MARCHF3: variants seen among roughly 807,000 people sequenced by gnomAD.
MARCHF3 encodes membrane associated ring-CH-type finger 3.
A neutral mutation model predicts 24.2 loss-of-function variants in MARCHF3; 13 were observed. The ratio of observed to expected loss-of-function variants is 0.54; its 90% CI spans 0.35 to 0.85. The LOEUF (loss-of-function observed/expected upper bound fraction) is 0.85, where lower values mean the gene tolerates loss of function less well. MARCHF3 is among the 40% of genes least tolerant of loss of function. The pLI, the probability that MARCHF3 is intolerant of heterozygous loss-of-function variation, is 0.01. For synonymous variants in MARCHF3, 144 were observed against 137.3 expected, an observed-to-expected ratio of 1.05 and a Z score of -0.34; for missense variants, 276 against 325.0, an observed-to-expected ratio of 0.85 and a Z score of 1.16.
chr5:127,004,252 A>C (rs1430453042), intron 1 of MARCHF3, among the ~76,000 whole-genome samples: 1 of 152,198 alleles, frequency 6.6e-6, no homozygotes, highest in Non-Finnish European at 1.5e-5. Context: ...ATAGGCTGCA[A>C]AACGGGGCTG....
At chr5:126,939,437 A>T (rs1749754311) in intron 1 of MARCHF3, among the ~76,000 whole-genome samples, 1 of 151,860 alleles carries the variant, frequency 6.6e-6, no homozygotes, top group Non-Finnish European at 1.5e-5. Flanking sequence ...TATCCCTTAC[A>T]CCTTCTTATG....
intron 1 of MARCHF3, among the ~76,000 whole-genome samples, chr5:126,951,691 C>A (rs1267257412): frequency 2.0e-5 from 3 of 152,168 alleles, no homozygotes; most frequent in Admixed American, 2.0e-4. Context: ...TTCATGGGAC[C>A]CATCTTTTCC....
At chr5:126,988,733 CTTATTA>C (rs1275606218) in intron 1 of MARCHF3, among the ~76,000 whole-genome samples, 1 of 151,894 alleles carries the variant, frequency 6.6e-6, no homozygotes, top group Non-Finnish European at 1.5e-5. Context: ...AGAGTATAAG[CTTATTA>C]TTATTATTAC....
intron 3 of MARCHF3, chr5:126,899,257 T>A: frequency 1.0e-6 from 1 of 985,236 alleles, no homozygotes; most frequent in South Asian, 4.7e-5. Flanking sequence ...TTCCCCCAAA[T>A]CTGCTGCACC....
intron 3 of MARCHF3, among the ~76,000 whole-genome samples, chr5:126,896,716 T>C (rs1753933300): frequency 1.3e-5 from 2 of 152,132 alleles, no homozygotes; most frequent in African/African-American, 4.8e-5. Context: ...CAGTGAAGTG[T>C]TGAGACCTTC....
At chr5:126,916,694 C>CACACACACACACACAA (rs1554065303) in intron 2 of MARCHF3, among the ~76,000 whole-genome samples, 1 of 100,740 alleles carries the variant, frequency 9.9e-6, no homozygotes, top group Non-Finnish European at 2.5e-5. Flanking sequence ...GACAGACAGA[C>CACACACACACACACAA]ACACACACAC....
At chr5:126,920,800 C>G (rs1749083504) in intron 1 of MARCHF3, among the ~76,000 whole-genome samples, 1 of 152,080 alleles carries the variant, frequency 6.6e-6, no homozygotes, top group Non-Finnish European at 1.5e-5. Flanking sequence ...AATAAAATGT[C>G]CTTAAAAATA....
intron 1 of MARCHF3, among the ~76,000 whole-genome samples, chr5:127,026,714 ATAT>A (rs1753011839): frequency 6.6e-6 from 1 of 152,182 alleles, no homozygotes; most frequent in African/African-American, 2.4e-5. Flanking sequence ...CAAGATCTAA[ATAT>A]TATCCTTTTG....
chr5:126,871,798 A>T (rs1233200684), intron 4 of MARCHF3, among the ~76,000 whole-genome samples: 1 of 150,780 alleles, frequency 6.6e-6, no homozygotes, highest in Non-Finnish European at 1.5e-5. Context: ...CCTCTGCCTC[A>T]CGGGTTCAAG....
At chr5:126,913,522 A>G (rs1754610855) in intron 3 of MARCHF3, among the ~76,000 whole-genome samples, 2 of 152,260 alleles carry the variant, frequency 1.3e-5, no homozygotes, top group Admixed American at 6.5e-5. Flanking sequence ...AATTCCCCAC[A>G]GGCCCTTTCT....
intron 1 of MARCHF3, among the ~76,000 whole-genome samples, chr5:126,935,207 T>C (rs1283622555): frequency 1.3e-5 from 2 of 152,110 alleles, no homozygotes; most frequent in Non-Finnish European, 2.9e-5. Context: ...TGTGAGGGTG[T>C]TTCTGGATGA....
chr5:126,874,177 A>G (rs553036990), intron 4 of MARCHF3, among the ~76,000 whole-genome samples: 2 of 152,326 alleles, frequency 1.3e-5, no homozygotes, highest in African/African-American at 4.8e-5. Context: ...ATCATGGGCA[A>G]GTCTGCTGTA....
intron 1 of MARCHF3, among the ~76,000 whole-genome samples, chr5:127,026,258 C>T (rs1275905634): frequency 6.6e-6 from 1 of 152,154 alleles, no homozygotes; most frequent in African/African-American, 2.4e-5. Context: ...TTAGGCTTTT[C>T]CATTTTTCTA....
intron 1 of MARCHF3, among the ~76,000 whole-genome samples, chr5:126,995,241 GAC>G (rs1471136098): frequency 3.3e-5 from 5 of 152,268 alleles, no homozygotes; most frequent in African/African-American, 1.2e-4. Context: ...GTTATTCTTG[GAC>G]ACACAGTTTA....
rs572824339 is a variant in MARCHF3 at position 126,937,624 on chromosome 5, T to G, written c.-56-19397A>C. ...GGATTTTATGATTTTCTTAGCACCA[T>G]AAGTTAGTGGAAGAACCTGATTAAC... On this transcript the variant is annotated intron_variant, in intron 1 of 4. Transcript: ENST00000308660. Among the ~76,000 whole-genome samples the G allele has an allele frequency of 2.6e-5, 4 of 152,320 alleles. No homozygotes were observed. The East Asian group carries it at 7.7e-4, about 29-fold the overall frequency.
chr5:127,023,690 C>T (rs549120439), intron 1 of MARCHF3, among the ~76,000 whole-genome samples: 4 of 150,420 alleles, frequency 2.7e-5, no homozygotes, highest in African/African-American at 7.3e-5. Context: ...GAGATTGCGC[C>T]GCTGCACTCT....
chr5:126,953,438 G>A (rs1750321772), intron 1 of MARCHF3, among the ~76,000 whole-genome samples: 1 of 151,610 alleles, frequency 6.6e-6, no homozygotes, highest in Admixed American at 6.6e-5. Context: ...CTTTGTTAGA[G>A]AACATTCTCC....
intron 1 of MARCHF3, among the ~76,000 whole-genome samples, chr5:126,920,789 C>G (rs757853519): frequency 8.5e-5 from 13 of 152,122 alleles, no homozygotes; most frequent in Non-Finnish European, 1.3e-4. Context: ...CCTAAATCCG[C>G]AATAAAATGT....
At chr5:127,003,079 C>T (rs905605183) in intron 1 of MARCHF3, among the ~76,000 whole-genome samples, 1 of 151,632 alleles carries the variant, frequency 6.6e-6, no homozygotes, top group Admixed American at 6.6e-5. Flanking sequence ...CTAGCAGGTG[C>T]CCAGCATTCA....
Sources: allele counts gnomAD v4.1 joint callset (sites outside exome capture counted in the v4.1 genomes callset), GRCh38; gene constraint gnomAD v4.1.1; transcripts MANE v1.5; gene names NCBI Gene and HGNC (gene_info 2026-07-23, HGNC 2026-07-21).